The following CYP3A5 variants were observed in gnomAD, a reference collection of about 807,000 sequenced individuals.
CYP3A5 encodes cytochrome P450 family 3 subfamily A member 5, also known as cytochrome P450 3A5.
A neutral mutation model predicts 55.9 loss-of-function variants in CYP3A5; 51 were observed. The observed-to-expected ratio is 0.91, with a 90% CI of 0.73 to 1.15. The LOEUF (loss-of-function observed/expected upper bound fraction) is 1.15, where lower values mean the gene tolerates loss of function less well. Among genes scored for constraint, CYP3A5 ranks in the 50% most tolerant of loss-of-function variants. The pLI is 0.00. For missense variants in CYP3A5, 533 were observed against 596.6 expected (o/e 0.89, Z 1.11); for synonymous variants, 196 against 213.9 (o/e 0.92, Z 0.73).
At chr7:99,673,175 C>G (rs1811851673) in intron 3 of CYP3A5, among the ~76,000 whole-genome samples, 1 of 152,196 alleles carries the variant, frequency 6.6e-6, no homozygotes, top group Non-Finnish European at 1.5e-5. Context: ...TGTCATCTGT[C>G]TACTAAGTCA....
chr7:99,650,295 G>C (rs1241992301), intron 11 of CYP3A5, 63 bp from the exon 12 acceptor site: 9 of 1,530,046 alleles, frequency 5.9e-6, no homozygotes, highest in Non-Finnish European at 6.3e-6. Flanking sequence ...TTACATGTTA[G>C]GGGTTCTTAC....
intron 12 of CYP3A5, among the ~76,000 whole-genome samples, chr7:99,648,894 G>T (rs190015334): frequency 2.0e-4 from 31 of 152,260 alleles, no homozygotes; most frequent in African/African-American, 6.0e-4. Flanking sequence ...CAAGTGCAAT[G>T]ATGGGAAATG....
intron 7 of CYP3A5, among the ~76,000 whole-genome samples, chr7:99,664,384 C>T (rs1810769043): frequency 6.6e-6 from 1 of 152,194 alleles, no homozygotes; most frequent in Non-Finnish European, 1.5e-5. Flanking sequence ...ATCTATTGGA[C>T]TAGAGTTTTT....
Position 99,648,344 on chromosome 7 carries a change from T to A in CYP3A5, c.1470A>T (p.Leu490=). Residue 490 remains leucine (L), a synonymous_variant, in exon 13 of 13, where the codon CTA becomes CTT. Coordinates refer to ENST00000222982, the MANE Select transcript of CYP3A5 (RefSeq NM_000777.5). The stretch of plus-strand genomic sequence containing the variant: ...GGGTTCCATCTCTTGAATCCACCTT[T>A]AGAACAATGGGTTTTTCTGGTTGAA... The part of the protein sequence containing the change: ...GLLQPEKPIV[L]KVDSRDGTLS... The A allele has an allele frequency of 6.2e-7, 1 of 1,612,552 alleles. No homozygotes were observed. The highest frequency in any genetic ancestry group is 8.5e-7 in the Non-Finnish European group (1 of 1,178,902).
intron 9 of CYP3A5, among the ~76,000 whole-genome samples, chr7:99,661,010 G>C (rs1245432044): frequency 1.3e-5 from 2 of 152,170 alleles, no homozygotes; most frequent in African/African-American, 4.8e-5. Context: ...TTATCTGTAA[G>C]TAAATATGGG....
At chr7:99,669,807 C>T (rs924995353) in intron 4 of CYP3A5, among the ~76,000 whole-genome samples, 1 of 152,102 alleles carries the variant, frequency 6.6e-6, no homozygotes, top group Non-Finnish European at 1.5e-5. Flanking sequence ...TATGTTAAAG[C>T]AATTTTCTTT....
intron 4 of CYP3A5, chr7:99,671,557 T>C (rs897357778): frequency 8.1e-6 from 3 of 369,432 alleles, no homozygotes; most frequent in Non-Finnish European, 1.5e-5. Flanking sequence ...TGAACCTTGA[T>C]CTAAATCTCA....
At chr7:99,671,747 T>C (rs1299534637) in intron 4 of CYP3A5, 3 of 686,570 alleles carry the variant, frequency 4.4e-6, no homozygotes, top group East Asian at 5.4e-5. Context: ...CTCAAATAAA[T>C]AAAAGTTTGC....
intron 1 of CYP3A5, among the ~76,000 whole-genome samples, chr7:99,677,835 T>G (rs62471930): frequency 0.013 from 2,009 of 152,288 alleles, 23 homozygotes; most frequent in Non-Finnish European, 0.019. Flanking sequence ...TTTAAACACA[T>G]TACCTGACCT....
At chr7:99,672,360 C>T (rs1286037614) in intron 4 of CYP3A5, among the ~76,000 whole-genome samples, 2 of 151,972 alleles carry the variant, frequency 1.3e-5, no homozygotes, top group Non-Finnish European at 2.9e-5. Flanking sequence ...TGTAGTTTGC[C>T]ATTTTAACTT....
intron 1 of CYP3A5, among the ~76,000 whole-genome samples, chr7:99,678,477 T>C (rs1331381945): frequency 6.6e-6 from 1 of 152,198 alleles, no homozygotes; most frequent in Non-Finnish European, 1.5e-5. Flanking sequence ...TTAAAATAAA[T>C]GGCCGGACAG....
chr7:99,676,281 G>C (rs1469877351), intron 1 of CYP3A5, 73 bp from the exon 2 acceptor site: 1 of 1,604,252 alleles, frequency 6.2e-7, no homozygotes, highest in Admixed American at 1.7e-5. Flanking sequence ...AGTTACTCAG[G>C]AACTGGAATG....
intron 8 of CYP3A5, chr7:99,663,091 A>G: frequency 2.3e-6 from 3 of 1,295,296 alleles, no homozygotes; most frequent in Non-Finnish European, 3.0e-6. Flanking sequence ...AAATCTAGCT[A>G]TCATGTCCAA....
intron 6 of CYP3A5, 39 bp downstream of exon 6, chr7:99,666,562 C>T (rs763219571): frequency 3.7e-6 from 6 of 1,601,954 alleles, no homozygotes; most frequent in Non-Finnish European, 5.1e-6. Context: ...TGGAAGGGCT[C>T]ATGACAGCTC....
intron 2 of CYP3A5, among the ~76,000 whole-genome samples, chr7:99,675,690 TTC>T (rs1167787728): frequency 3.4e-4 from 3 of 8,726 alleles, no homozygotes; most frequent in Admixed American, 1.5e-3. Context: ...CTCTCTTTCT[TTC>T]TCTCTCTCTC....
chr7:99,664,562 A>G (rs1378347633), intron 7 of CYP3A5, among the ~76,000 whole-genome samples: 1 of 152,252 alleles, frequency 6.6e-6, no homozygotes. Flanking sequence ...AAGTTAAACA[A>G]TACAGTTTTA....
At chr7:99,674,799 C>G (rs1318185864) in intron 2 of CYP3A5, among the ~76,000 whole-genome samples, 1 of 152,190 alleles carries the variant, frequency 6.6e-6, no homozygotes, top group Non-Finnish European at 1.5e-5. Context: ...TGAATTTTCT[C>G]TAAGTACTGA....
chr7:99,674,838 G>A (rs918637910), intron 2 of CYP3A5, among the ~76,000 whole-genome samples: 1 of 152,208 alleles, frequency 6.6e-6, no homozygotes, highest in Non-Finnish European at 1.5e-5. Flanking sequence ...TGACCAGTAA[G>A]TAATTCCTTG....
intron 7 of CYP3A5, among the ~76,000 whole-genome samples, chr7:99,664,765 C>T (rs2151419162): frequency 6.6e-6 from 1 of 152,146 alleles, no homozygotes; most frequent in African/African-American, 2.4e-5. Flanking sequence ...CACCACAAAA[C>T]ACTAAAAGAA....
Sources: allele counts gnomAD v4.1 joint callset (sites outside exome capture counted in the v4.1 genomes callset), GRCh38; gene constraint gnomAD v4.1.1; transcripts MANE v1.5; gene names NCBI Gene and HGNC (gene_info 2026-07-23, HGNC 2026-07-21).